Variants in FAM227B observed in about 807,000 individuals in gnomAD.
FAM227B encodes the protein family with sequence similarity 227 member B, also known as protein FAM227B.
In FAM227B, 88 loss-of-function variants were observed where a neutral mutation model predicts 73.8. That is an observed-to-expected ratio of 1.19 (90% CI 1.00 to 1.42). The LOEUF is 1.42. Ranked by LOEUF, FAM227B falls within the 40% of genes most tolerant of loss-of-function variation. FAM227B has a pLI of 0.00. For missense variants in FAM227B, 632 were observed against 590.9 expected (o/e 1.07, Z -0.72); for synonymous variants, 210 against 190.5 (o/e 1.10, Z -0.84).
In FAM227B at chr15:49,611,195, A is replaced by C; in HGVS notation, c.105+20T>G. 1.3e-6 allele frequency: 2 copies of C among 1,491,240 alleles called. No homozygotes were observed. Among genetic ancestry groups the C allele is most frequent in the Non-Finnish European group, 1.9e-6 (2 of 1,072,126 alleles). The allele number at this position is 1,491,240 out of a possible 1,614,324, so 92.4% of individuals were successfully genotyped here. A position where few individuals can be genotyped will look rare whatever the true frequency, so the allele number is the denominator to read the frequency against. Reference sequence around the variant, plus strand: ...TTTTAAAATGATGTAATGGCACATAAAATAAGATGCTTTACTCACCCAATT... The same window carrying C: ...TTTTAAAATGATGTAATGGCACATACAATAAGATGCTTTACTCACCCAATT... On this transcript the variant is annotated intron_variant, in intron 3 of 15. Coordinates refer to ENST00000299338, the MANE Select transcript of FAM227B (RefSeq NM_152647.3).
intron 11 of FAM227B, among the ~76,000 whole-genome samples, chr15:49,382,989 T>C (rs547044732): frequency 1.6e-4 from 24 of 152,250 alleles, no homozygotes; most frequent in Admixed American, 4.6e-4. Flanking sequence ...ATCGGTTCAT[T>C]TAACATTTAC....
At chr15:49,448,674 C>CAT (rs145584113) in intron 11 of FAM227B, among the ~76,000 whole-genome samples, 3,501 of 149,090 alleles carry the variant, frequency 0.023, 92 homozygotes, top group African/African-American at 0.068. Flanking sequence ...CACATATGTA[C>CAT]ATATATATAT....
Position 49,459,933 on chromosome 15 carries a change from C to A in FAM227B, c.1012+48278G>T, listed in dbSNP as rs538914766. Among the ~76,000 whole-genome samples the A allele has an allele frequency of 6.3e-4, 96 of 152,274 alleles. 1 individual carries two copies. Among genetic ancestry groups the A allele is most frequent in the Admixed American group, 2.9e-3 (44 of 15,294 alleles). ...CAAATGCCACACATTAGAGACATTT[C>A]TTTTCTTCTGGAGAGTCTGTTCTTA... is the stretch of plus-strand genomic sequence containing the variant. On this transcript the variant is annotated intron_variant, in intron 11 of 15. Coordinates refer to ENST00000299338, the MANE Select transcript of FAM227B (RefSeq NM_152647.3).
At chr15:49,605,930 G>A (rs978415058) in intron 3 of FAM227B, among the ~76,000 whole-genome samples, 1 of 152,132 alleles carries the variant, frequency 6.6e-6, no homozygotes, top group African/African-American at 2.4e-5. Flanking sequence ...TGGAGCTTGG[G>A]GCTGTGGAGG....
rs539815921 is a variant in FAM227B at position 49,515,331 on chromosome 15, C to T, written c.875-6983G>A. 8.7e-4 allele frequency among the ~76,000 whole-genome samples: 133 copies of T among 152,234 alleles called. 5 individuals are homozygous for T. The South Asian group carries it at 0.026, about 30-fold the overall frequency. ...TTGATCCTCTTAGAGTTTTCAATGT[C>T]TCTGCTGAAATTACACATCTAAGTA... is the stretch of plus-strand genomic sequence containing the variant. On this transcript the variant is annotated intron_variant, in intron 10 of 15. Coordinates refer to ENST00000299338, the MANE Select transcript of FAM227B (RefSeq NM_152647.3).
chr15:49,585,246 A>T (rs2076078966), intron 5 of FAM227B, among the ~76,000 whole-genome samples: 1 of 152,166 alleles, frequency 6.6e-6, no homozygotes, highest in Admixed American at 6.5e-5. Context: ...GTTGGTGGGG[A>T]CTGTAAACTA....
intron 11 of FAM227B, among the ~76,000 whole-genome samples, chr15:49,401,094 C>G (rs1280990426): frequency 9.8e-5 from 15 of 152,372 alleles, no homozygotes; most frequent in African/African-American, 3.4e-4. Flanking sequence ...TTTTCGCAAA[C>G]TACTCATCTG....
intron 11 of FAM227B, among the ~76,000 whole-genome samples, chr15:49,467,172 T>C (rs1016245042): frequency 1.3e-5 from 2 of 152,186 alleles, no homozygotes; most frequent in Non-Finnish European, 2.9e-5. Flanking sequence ...AGTGGATGTG[T>C]AGTTTATCAT....
chr15:49,572,021 C>A (rs1000788242), intron 8 of FAM227B, among the ~76,000 whole-genome samples: 1 of 151,910 alleles, frequency 6.6e-6, no homozygotes, highest in African/African-American at 2.4e-5. Context: ...TTTTCAATTT[C>A]TTTCATCAGT....
intron 10 of FAM227B, among the ~76,000 whole-genome samples, chr15:49,530,902 A>G (rs1035634785): frequency 1.3e-4 from 20 of 151,892 alleles, no homozygotes; most frequent in African/African-American, 4.8e-4. Context: ...ACAAGTGTAC[A>G]GCATTCTATA....
At chr15:49,376,340 T>C (rs900282901) in intron 11 of FAM227B, among the ~76,000 whole-genome samples, 1 of 152,070 alleles carries the variant, frequency 6.6e-6, no homozygotes, top group Admixed American at 6.5e-5. Flanking sequence ...CTTTTGTAGG[T>C]GAATACCCCA....
At chr15:49,573,211 T>C (rs1415257536) in intron 8 of FAM227B, among the ~76,000 whole-genome samples, 2 of 147,874 alleles carry the variant, frequency 1.4e-5, no homozygotes, top group African/African-American at 2.5e-5. Flanking sequence ...GAGAATTGTG[T>C]TCATTTCCAA....
intron 11 of FAM227B, chr15:49,486,965 A>G (rs1331494409): frequency 6.6e-6 from 1 of 151,980 alleles, no homozygotes; most frequent in African/African-American, 2.4e-5. Flanking sequence ...CTGGGTAGAT[A>G]TACAGCTGTC....
chr15:49,340,932 ATT>A lies in FAM227B; in HGVS notation c.1272-5438_1272-5437del, dbSNP rs913206979. Among the ~76,000 whole-genome samples, 20 of 152,116 alleles carry A rather than the reference ATT, an allele frequency of 1.3e-4. 1 individual carries two copies. Among genetic ancestry groups the A allele is most frequent in the Admixed American group, 8.5e-4 (13 of 15,270 alleles). ...TAAATATTTAATCCATTTTGAGTTA[ATT>A]TTTGTATATGATGAAAGGAAAGGGT... On this transcript the variant is annotated intron_variant, in intron 13 of 15. Transcript: ENST00000299338.
chr15:49,534,769 G>C (rs1229901565), intron 10 of FAM227B, among the ~76,000 whole-genome samples: 1 of 151,160 alleles, frequency 6.6e-6, no homozygotes, highest in African/African-American at 2.4e-5. Flanking sequence ...CAACCACAAT[G>C]GCCAGAAACT....
At chr15:49,619,637 G>A (rs766729597) in intron 1 of FAM227B, among the ~76,000 whole-genome samples, 1 of 152,204 alleles carries the variant, frequency 6.6e-6, no homozygotes, top group South Asian at 2.1e-4. Flanking sequence ...ATATTTTGGA[G>A]TAATTTATTA....
intron 1 of FAM227B, chr15:49,620,198 T>A (rs1477525463): frequency 6.6e-6 from 1 of 152,178 alleles, no homozygotes; most frequent in Admixed American, 6.5e-5. Flanking sequence ...TTCCTGTAAT[T>A]TATTAAATTC....
intron 5 of FAM227B, among the ~76,000 whole-genome samples, chr15:49,577,907 G>A (rs552522682): frequency 6.6e-6 from 1 of 152,236 alleles, no homozygotes; most frequent in African/African-American, 2.4e-5. Flanking sequence ...ATAGATATAA[G>A]GGCTATAATA....
chr15:49,396,285 T>C (rs565224083), intron 11 of FAM227B: 35 of 405,222 alleles, frequency 8.6e-5, no homozygotes, highest in Middle Eastern at 8.2e-4. Context: ...TGTGCTTTTC[T>C]GACGGGCTTA....
Sources: allele counts gnomAD v4.1 joint callset (sites outside exome capture counted in the v4.1 genomes callset), GRCh38; gene constraint gnomAD v4.1.1; transcripts MANE v1.5; gene names NCBI Gene and HGNC (gene_info 2026-07-23, HGNC 2026-07-21).